MEIS1: variants seen among roughly 807,000 people sequenced by gnomAD.
The protein encoded by MEIS1 is homeobox protein Meis1.
Under a neutral mutation model 50.8 loss-of-function variants are expected in MEIS1, and 5 were observed. The observed-to-expected ratio is 0.10, with a 90% CI of 0.05 to 0.21. The LOEUF is 0.21. MEIS1 is among the 10% of genes least tolerant of loss of function. The probability of loss-of-function intolerance (pLI) is 1.00; values close to 1 mark genes in which losing one functional copy is unlikely to be tolerated. For synonymous variants in MEIS1, 176 were observed against 179.3 expected, an observed-to-expected ratio of 0.98 and a Z score of 0.15; for missense variants, 318 against 517.3, an observed-to-expected ratio of 0.61 and a Z score of 3.74.
intron 9 of MEIS1, among the ~76,000 whole-genome samples, chr2:66,556,164 T>C (rs1675059804): frequency 6.6e-6 from 1 of 151,806 alleles, no homozygotes; most frequent in Admixed American, 6.5e-5. Flanking sequence ...TCTATTTTAT[T>C]TTCATTCTTA....
intron 6 of MEIS1, among the ~76,000 whole-genome samples, chr2:66,456,094 T>C (rs1239516406): frequency 6.6e-5 from 10 of 152,156 alleles, no homozygotes; most frequent in Non-Finnish European, 1.0e-4. Flanking sequence ...TACACAGAGA[T>C]AGAGGATTCA....
chr2:66,464,813 A>C (rs1469073249), intron 7 of MEIS1, among the ~76,000 whole-genome samples: 1 of 152,210 alleles, frequency 6.6e-6, no homozygotes, highest in Non-Finnish European at 1.5e-5. Flanking sequence ...GCACATACCT[A>C]TGTGTATGTG....
chr2:66,480,118 G>T (rs989022058), intron 7 of MEIS1, among the ~76,000 whole-genome samples: 1 of 152,094 alleles, frequency 6.6e-6, no homozygotes, highest in Non-Finnish European at 1.5e-5. Flanking sequence ...AAATTCAAAT[G>T]CTCATAGAAT....
intron 8 of MEIS1, among the ~76,000 whole-genome samples, chr2:66,532,508 T>A (rs183960605): frequency 6.6e-6 from 1 of 152,230 alleles, no homozygotes; most frequent in East Asian, 1.9e-4. Context: ...CAGTAGTTAG[T>A]GTGGGTTTCC....
At chr2:66,467,339 G>C (rs1450443145) in intron 7 of MEIS1, among the ~76,000 whole-genome samples, 1 of 150,432 alleles carries the variant, frequency 6.6e-6, no homozygotes, top group Non-Finnish European at 1.5e-5. Flanking sequence ...GCTCACGCCT[G>C]TAATCCCAGC....
chr2:66,437,616 C>T (rs1280204985), intron 1 of MEIS1, 121 bp from the exon 2 acceptor site: 3 of 802,626 alleles, frequency 3.7e-6, no homozygotes, highest in Non-Finnish European at 6.4e-6. Flanking sequence ...AGATGCAAGG[C>T]CACCGAATTC....
chr2:66,452,410 G>A (rs754699576), intron 6 of MEIS1, among the ~76,000 whole-genome samples: 1 of 151,812 alleles, frequency 6.6e-6, no homozygotes, highest in Non-Finnish European at 1.5e-5. Context: ...GATAAGGGTG[G>A]CATCTCTGCC....
At chr2:66,439,567 C>T in intron 2 of MEIS1, 1 of 1,523,474 alleles carries the variant, frequency 6.6e-7, no homozygotes, top group Non-Finnish European at 8.8e-7. Context: ...GGGTTTTATT[C>T]GTAGCAAATG....
intron 12 of MEIS1, chr2:66,570,994 T>C (rs1345441815): frequency 2.3e-6 from 1 of 427,380 alleles, no homozygotes; most frequent in Non-Finnish European, 4.1e-6. Flanking sequence ...TTTTATTCTT[T>C]TTAATAAATA....
chr2:66,492,317 T>C (rs2103809564), intron 7 of MEIS1, among the ~76,000 whole-genome samples: 1 of 152,130 alleles, frequency 6.6e-6, no homozygotes, highest in South Asian at 2.1e-4. Flanking sequence ...GAAAATAGAA[T>C]GTGCCTGCAG....
intron 8 of MEIS1, among the ~76,000 whole-genome samples, chr2:66,540,622 G>T (rs1258034049): frequency 6.6e-6 from 1 of 152,078 alleles, no homozygotes; most frequent in Non-Finnish European, 1.5e-5. Context: ...GGCCATTTTT[G>T]TATTTCCTCT....
intron 7 of MEIS1, chr2:66,496,048 T>TG (rs1400601971): frequency 6.6e-6 from 1 of 152,446 alleles, no homozygotes; most frequent in Non-Finnish European, 1.5e-5. Context: ...TATTCAGTTC[T>TG]GGGGAAAGAA....
intron 6 of MEIS1, among the ~76,000 whole-genome samples, chr2:66,446,653 G>A (rs1314689973): frequency 6.6e-6 from 1 of 152,232 alleles, no homozygotes; most frequent in Non-Finnish European, 1.5e-5. Context: ...TGCACAGGAC[G>A]CCCTGTTGCA....
At chr2:66,472,971 C>A (rs146719612) in intron 7 of MEIS1, among the ~76,000 whole-genome samples, 2,340 of 152,174 alleles carry the variant, frequency 0.015, 33 homozygotes, top group Middle Eastern at 0.075. Flanking sequence ...CCAATGGATA[C>A]CTTATCAGAG....
At chr2:66,482,214 A>G (rs1015965344) in intron 7 of MEIS1, among the ~76,000 whole-genome samples, 1 of 152,124 alleles carries the variant, frequency 6.6e-6, no homozygotes, top group Non-Finnish European at 1.5e-5. Context: ...TGCCAGGTAC[A>G]ATGCTAGGTG....
chr2:66,439,369 G>C (rs991691930), intron 2 of MEIS1: 57 of 1,246,230 alleles, frequency 4.6e-5, no homozygotes, highest in Non-Finnish European at 5.7e-5. Context: ...CAAGTTAGCT[G>C]AGCGCCTGCC....
rs142045094 is a variant in MEIS1, at chr2:66,497,448, T to C, written c.743-14701T>C. Reference sequence around the variant, plus strand: ...GTGCTCAATAAATGTTAGTTTTTAGTACTGTTTCTATTATTCTTATTGTCT... The same window carrying C: ...GTGCTCAATAAATGTTAGTTTTTAGCACTGTTTCTATTATTCTTATTGTCT... On this transcript the variant is annotated intron_variant, in intron 7 of 12. Coordinates refer to ENST00000272369, the MANE Select transcript of MEIS1 (RefSeq NM_002398.3). 6.4e-3 allele frequency among the ~76,000 whole-genome samples: 968 copies of C among 152,340 alleles called. 12 individuals are homozygous for C. The highest frequency in any genetic ancestry group is 0.022 in the African/African-American group (915 of 41,570).
In MEIS1 at chr2:66,437,753, A is replaced by G; in HGVS notation, c.29A>G (p.His10Arg). Reference sequence around the variant, plus strand: ...GTCATGCAGTACGACGATCTACCCCATTACGGGGGCATGGATGGAGTAGGC... The same window carrying G: ...GTCATGCAGTACGACGATCTACCCCGTTACGGGGGCATGGATGGAGTAGGC... The part of the protein sequence containing the change: MAQRYDDLP[H>R]YGGMDGVGIP... The change falls in exon 2 of 13, where the codon CAT becomes CGT. Residue 10 changes from histidine to arginine, a missense_variant. This residue lies in a region of MEIS1 where 100 missense variants were observed against 107.1 expected (regional missense o/e 0.93). Coordinates refer to ENST00000272369, the MANE Select transcript of MEIS1 (RefSeq NM_002398.3). 6.2e-7 allele frequency: 1 copy of G among 1,613,746 alleles called. No homozygotes were observed. Among genetic ancestry groups the G allele is most frequent in the Non-Finnish European group, 8.5e-7 (1 of 1,179,836 alleles).
At chr2:66,546,189 G>A (rs764838395) in intron 8 of MEIS1, among the ~76,000 whole-genome samples, 2 of 152,174 alleles carry the variant, frequency 1.3e-5, no homozygotes, top group African/African-American at 2.4e-5. Context: ...GTGATAAGGC[G>A]GGGTGCTGGG....
Sources: gnomAD v4.1 joint callset for allele counts (sites outside exome capture counted in the v4.1 genomes callset) on GRCh38, gnomAD v4.1.1 for gene constraint, gnomAD v4.1.1 regional missense constraint, MANE v1.5 for transcripts, NCBI Gene and HGNC (gene_info 2026-07-23, HGNC 2026-07-21) for gene names.